The following PCDHA11 variants were observed in gnomAD, a reference collection of about 807,000 sequenced individuals.
The protein encoded by PCDHA11 is protocadherin alpha 11, also known as protocadherin alpha-11.
In PCDHA11, 61 loss-of-function variants were observed where a neutral mutation model predicts 70.3. The ratio of observed to expected loss-of-function variants is 0.87; its 90% CI spans 0.71 to 1.07. PCDHA11 has a LOEUF of 1.07. PCDHA11 is among the 50% of genes least tolerant of loss of function. The pLI is 0.00. For synonymous variants in PCDHA11, 633 were observed against 555.1 expected, an observed-to-expected ratio of 1.14 and a Z score of -1.97; for missense variants, 1,324 against 1,237.5, an observed-to-expected ratio of 1.07 and a Z score of -1.05.
chr5:140,913,781 A>G (rs1554196050), intron 1 of PCDHA11, among the ~76,000 whole-genome samples: 2 of 151,976 alleles, frequency 1.3e-5, no homozygotes, highest in African/African-American at 4.8e-5. Flanking sequence ...TTGTGTTTCC[A>G]TTATCATTTG....
At chr5:140,964,783 A>C (rs2095854085) in intron 1 of PCDHA11, among the ~76,000 whole-genome samples, 1 of 152,018 alleles carries the variant, frequency 6.6e-6, no homozygotes, top group East Asian at 1.9e-4. Context: ...AAGAGGAAGA[A>C]GCCAGAGACC....
At chr5:140,871,697 A>G (rs2053267729) in intron 1 of PCDHA11, 3 of 935,180 alleles carry the variant, frequency 3.2e-6, no homozygotes, top group Non-Finnish European at 3.1e-6. Flanking sequence ...GGCTTCTTTA[A>G]CCAATAAATG....
chr5:140,950,279 C>G (rs938821559), intron 1 of PCDHA11, among the ~76,000 whole-genome samples: 11 of 151,924 alleles, frequency 7.2e-5, no homozygotes, highest in African/African-American at 2.4e-4. Flanking sequence ...TGTCTTTTTG[C>G]TTCAACCTGA....
chr5:140,927,172 G>C (rs782548172), intron 1 of PCDHA11: 2 of 1,614,034 alleles, frequency 1.2e-6, no homozygotes, highest in African/African-American at 2.7e-5. Flanking sequence ...AGCTGCCTGC[G>C]TCTTGACCTA....
chr5:140,962,852 T>G (rs2095713840), intron 1 of PCDHA11, among the ~76,000 whole-genome samples: 2 of 152,216 alleles, frequency 1.3e-5, no homozygotes, highest in Admixed American at 1.3e-4. Context: ...TAACTTGTGC[T>G]CGGTTTGTAG....
chr5:140,956,885 T>A (rs1156888418), intron 1 of PCDHA11, among the ~76,000 whole-genome samples: 1 of 152,194 alleles, frequency 6.6e-6, no homozygotes, highest in Non-Finnish European at 1.5e-5. Flanking sequence ...TAGATATCAA[T>A]GAATGAATAT....
At chr5:140,967,524 A>G in intron 1 of PCDHA11, 1 of 1,612,564 alleles carries the variant, frequency 6.2e-7, no homozygotes, top group Non-Finnish European at 8.5e-7. Context: ...ACTAACGACA[A>G]CTCTCCTGCC....
intron 2 of PCDHA11, among the ~76,000 whole-genome samples, chr5:140,980,943 T>C (rs573281233): frequency 1.6e-4 from 25 of 152,172 alleles, no homozygotes; most frequent in Non-Finnish European, 3.1e-4. Context: ...CTGAGCTGGC[T>C]CCAGGATAGT....
At chr5:140,999,400 A>G (rs1331954466) in intron 3 of PCDHA11, among the ~76,000 whole-genome samples, 2 of 152,150 alleles carry the variant, frequency 1.3e-5, no homozygotes, top group Admixed American at 6.5e-5. Flanking sequence ...TGTTTTGCAT[A>G]TGAAAGAATG....
In PCDHA11 at chr5:140,876,316, A is replaced by G. The variant is rs782671827; in HGVS notation, c.2391+4822A>G. ...TAATGGAGAAATTTCCTATGGGATC[A>G]AAATGATTTTGCCAGTGAGTGAGAA... is the stretch of plus-strand genomic sequence containing the variant. On this transcript the variant is annotated intron_variant, in intron 1 of 3. Transcript: ENST00000398640. 4 of 1,613,952 alleles carry G rather than the reference A, an allele frequency of 2.5e-6. No individual in the cohort carries two copies. Among genetic ancestry groups the G allele is most frequent in the Admixed American group, 3.3e-5 (2 of 60,018 alleles).
chr5:140,879,844 C>CCCATCTCAG (rs1554171035), intron 1 of PCDHA11, among the ~76,000 whole-genome samples: 1 of 152,194 alleles, frequency 6.6e-6, no homozygotes, highest in Admixed American at 6.5e-5. Flanking sequence ...CTGTACCACT[C>CCCATCTCAG]CCATCTCAGC....
rs781883324 is a variant in PCDHA11 at position 140,927,514 on chromosome 5, G to A, written c.2392-51435G>A. 3.2e-5 allele frequency: 52 copies of A among 1,613,938 alleles called. No individual in the cohort carries two copies. The highest frequency in any genetic ancestry group is 4.2e-5 in the Non-Finnish European group (49 of 1,180,040). ...CCTGCTGGTGCTTACAGCTCGGGAC[G>A]GCGGGCTACCTGCCCGCTCAGGAGA... On this transcript the variant is annotated intron_variant, in intron 1 of 3. Coordinates refer to ENST00000398640, the MANE Select transcript of PCDHA11 (RefSeq NM_018902.5).
intron 1 of PCDHA11, among the ~76,000 whole-genome samples, chr5:140,897,200 T>C (rs1462263623): frequency 1.3e-5 from 2 of 152,172 alleles, no homozygotes; most frequent in African/African-American, 4.8e-5. Context: ...TTTTTTATTA[T>C]ACTTTAAGTT....
intron 3 of PCDHA11, among the ~76,000 whole-genome samples, chr5:141,007,284 C>T (rs2098312696): frequency 6.6e-6 from 1 of 151,430 alleles, no homozygotes; most frequent in Admixed American, 6.6e-5. Context: ...GTGCAGTGGG[C>T]TCATGCCTGT....
chr5:141,001,706 C>T (rs2098033561), intron 3 of PCDHA11, among the ~76,000 whole-genome samples: 1 of 151,850 alleles, frequency 6.6e-6, no homozygotes, highest in African/African-American at 2.4e-5. Flanking sequence ...AAATAGGGGG[C>T]GGGGAAGGAG....
intron 1 of PCDHA11, chr5:140,884,206 C>A: frequency 6.2e-7 from 1 of 1,613,542 alleles, no homozygotes; most frequent in Admixed American, 1.7e-5. Flanking sequence ...CGCACCACCG[C>A]CTTCTGGTGC....
intron 3 of PCDHA11, among the ~76,000 whole-genome samples, chr5:140,987,130 C>G (rs1220504537): frequency 6.6e-6 from 1 of 151,648 alleles, no homozygotes; most frequent in East Asian, 1.9e-4. Context: ...AGGAGAATTG[C>G]TTGAACTCGG....
At chr5:140,892,563 T>G (rs1554185281) in intron 1 of PCDHA11, among the ~76,000 whole-genome samples, 2 of 152,248 alleles carry the variant, frequency 1.3e-5, no homozygotes, top group Admixed American at 6.5e-5. Context: ...CCTTGGAGAC[T>G]GTCAAAAGTA....
chr5:140,875,173 A>G (rs567403390), intron 1 of PCDHA11: 75 of 394,970 alleles, frequency 1.9e-4, no homozygotes, highest in Non-Finnish European at 2.9e-4. Context: ...AAGTCGAAAC[A>G]TTAGAATTAA....
Sources: allele counts gnomAD v4.1 joint callset (sites outside exome capture counted in the v4.1 genomes callset), GRCh38; gene constraint gnomAD v4.1.1; transcripts MANE v1.5; gene names NCBI Gene and HGNC (gene_info 2026-07-23, HGNC 2026-07-21).